Variants in PEX3 observed in about 807,000 individuals in gnomAD.
The protein encoded by PEX3 is peroxin-3.
In PEX3, 30 loss-of-function variants were observed where a neutral mutation model predicts 55.8. The observed-to-expected ratio is 0.54, with a 90% confidence interval of 0.40 to 0.73. The LOEUF is 0.73. PEX3 is among the 30% of genes least tolerant of loss of function. The pLI is 0.00. For missense variants in PEX3, 351 were observed against 432.8 expected (o/e 0.81, Z 1.68); for synonymous variants, 135 against 148.4 (o/e 0.91, Z 0.66).
chr6:143,473,406 G>A (rs1463580233), intron 8 of PEX3, among the ~76,000 whole-genome samples: 1 of 152,044 alleles, frequency 6.6e-6, no homozygotes, highest in African/African-American at 2.4e-5. Flanking sequence ...AATCTTTTTA[G>A]GACTCTAAAG....
Position 143,462,809 on chromosome 6 carries a change from T to C in PEX3, c.206-107T>C. On this transcript the variant is annotated intron_variant, in intron 2 of 11. Coordinates refer to ENST00000367591, the MANE Select transcript of PEX3 (RefSeq NM_003630.3). The surrounding 1 kb of genome is among the most constrained non-coding windows in gnomAD (Gnocchi z 4.1). Reference sequence around the variant, plus strand: ...TCTAGCCCTGACTTTCCCTTCTGACTCTTGCTAGTTGCTAGCCCTATCATA... The same window carrying C: ...TCTAGCCCTGACTTTCCCTTCTGACCCTTGCTAGTTGCTAGCCCTATCATA... 1.3e-6 allele frequency: 1 copy of C among 797,752 alleles called. No homozygotes were observed. The highest frequency in any genetic ancestry group is 2.2e-6 in the Non-Finnish European group (1 of 445,956). The allele number at this position is 797,752 out of a possible 1,614,324, so 49.4% of individuals were successfully genotyped here.
At chr6:143,484,531 C>G (rs967285299) in intron 10 of PEX3, among the ~76,000 whole-genome samples, 2 of 151,858 alleles carry the variant, frequency 1.3e-5, no homozygotes, top group African/African-American at 4.8e-5. Context: ...GTGTGGTTCA[C>G]TGGAGTAGGG....
chr6:143,471,760 T>G lies in PEX3; in HGVS notation c.578+149T>G. ...CAGATACCATCCTAGGATATTGCATTGTGGGATCCATTTTCTTTATCTTTT... is the reference window on the plus strand; with the variant it reads ...CAGATACCATCCTAGGATATTGCATGGTGGGATCCATTTTCTTTATCTTTT... On this transcript the variant is annotated intron_variant, in intron 7 of 11. Coordinates refer to ENST00000367591, the MANE Select transcript of PEX3 (RefSeq NM_003630.3). This position sits in a 1 kb window ranked among gnomAD's most constrained non-coding sequence, Gnocchi z 5.4. The G allele has an allele frequency of 3.0e-6, 2 of 671,760 alleles. No individual in the cohort carries two copies. The highest frequency in any genetic ancestry group is 3.4e-5 in the South Asian group (2 of 58,618). 41.6% of individuals were successfully genotyped at this position (671,760 alleles called of 1,614,324 possible).
At chr6:143,474,701 A>T in intron 8 of PEX3, 85 bp from the exon 9 acceptor site, 2 of 811,324 alleles carry the variant, frequency 2.5e-6, no homozygotes, top group Non-Finnish European at 4.4e-6. Flanking sequence ...GATTTCCTAA[A>T]CTCTTTATTT....
rs1227098862 is a variant in PEX3 at position 143,475,762 on chromosome 6, A to G, written c.818+906A>G. On this transcript the variant is annotated intron_variant, in intron 9 of 11. Transcript: ENST00000367591. The surrounding 1 kb of genome is among the most constrained non-coding windows in gnomAD (Gnocchi z 4.4). ...TGTTTTATACTCCCATTACTTTACT[A>G]TGCTAGTAGTTAAAGCCAAATGTAT... Among the ~76,000 whole-genome samples the G allele has an allele frequency of 1.3e-5, 2 of 152,214 alleles. No individual in the cohort carries two copies. Among genetic ancestry groups the G allele is most frequent in the East Asian group, 3.8e-4 (2 of 5,202 alleles).
rs897483245 is a variant in PEX3 at position 143,454,950 on chromosome 6, A to G, written c.73+3835A>G. ...TGAAGCCATTCTACATAATTTGGAC[A>G]TTATCCTTTGTATTGGTGCTTGCTA... On this transcript the variant is annotated intron_variant, in intron 1 of 11. Transcript: ENST00000367591. The surrounding 1 kb of genome is among the most constrained non-coding windows in gnomAD (Gnocchi z 4.3). Among the ~76,000 whole-genome samples, 15 of 152,236 alleles carry G rather than the reference A, an allele frequency of 9.9e-5. No individual in the cohort carries two copies. Among genetic ancestry groups the G allele is most frequent in the Non-Finnish European group, 1.2e-4 (8 of 68,046 alleles).
intron 2 of PEX3, among the ~76,000 whole-genome samples, chr6:143,461,896 C>A (rs1401648059): frequency 6.6e-6 from 1 of 152,102 alleles, no homozygotes; most frequent in Non-Finnish European, 1.5e-5. Flanking sequence ...TGCAGTGAGC[C>A]GTGATTGCAC....
rs1324728972 is a variant in PEX3 at position 143,462,279 on chromosome 6, A to T, written c.206-637A>T. Among the ~76,000 whole-genome samples, 1 of 152,200 alleles carries T rather than the reference A, an allele frequency of 6.6e-6. No homozygotes were observed. The highest frequency in any genetic ancestry group is 1.5e-5 in the Non-Finnish European group (1 of 68,040). On this transcript the variant is annotated intron_variant, in intron 2 of 11. Transcript: ENST00000367591. This position sits in a 1 kb window ranked among gnomAD's most constrained non-coding sequence, Gnocchi z 4.1. Reference sequence around the variant, plus strand: ...CAACTTTTAGTTTCTAACCCAGTGCACTTTTATTTATGTTATAATAAATGT... The same window carrying T: ...CAACTTTTAGTTTCTAACCCAGTGCTCTTTTATTTATGTTATAATAAATGT...
intron 10 of PEX3, among the ~76,000 whole-genome samples, chr6:143,480,054 T>G (rs571674498): frequency 6.6e-6 from 1 of 152,232 alleles, no homozygotes; most frequent in Admixed American, 6.5e-5. Flanking sequence ...GGGCCAGAAG[T>G]TACTTACCAG....
At chr6:143,478,299 A>G (rs2084477219) in intron 9 of PEX3, among the ~76,000 whole-genome samples, 1 of 152,128 alleles carries the variant, frequency 6.6e-6, no homozygotes, top group Admixed American at 6.5e-5. Flanking sequence ...GGGTGATGAA[A>G]ATGTTCTAAA....
At position 143,488,852 on chromosome 6, in the gene PEX3, A is replaced by G. The variant is rs1355909097; in HGVS notation, c.1039-291A>G. Among the ~76,000 whole-genome samples, 2 of 152,110 alleles carry G rather than the reference A, an allele frequency of 1.3e-5. No homozygotes were observed. The highest frequency in any genetic ancestry group is 1.3e-4 in the Admixed American group (2 of 15,258). ...ACTCCTACAATTATTTATTCAACAGATACCTATCTAGCACTTGACATACAC... is the reference window on the plus strand; with the variant it reads ...ACTCCTACAATTATTTATTCAACAGGTACCTATCTAGCACTTGACATACAC... On this transcript the variant is annotated intron_variant, in intron 11 of 11. Coordinates refer to ENST00000367591, the MANE Select transcript of PEX3 (RefSeq NM_003630.3). The surrounding 1 kb of genome is among the most constrained non-coding windows in gnomAD (Gnocchi z 4.9).
chr6:143,455,140 C>A (rs1288980608), intron 1 of PEX3, among the ~76,000 whole-genome samples: 1 of 150,270 alleles, frequency 6.7e-6, no homozygotes, highest in Non-Finnish European at 1.5e-5. Flanking sequence ...ACTGGGGATG[C>A]AGCATCATGC....
In PEX3 at chr6:143,471,474, A is replaced by G. The variant is rs13203340; in HGVS notation, c.523+25A>G. Reference sequence around the variant, plus strand: ...GGTAAGATTCTTATTTGTGACTTTTATACTAATTTTAATTCATTTATTTTT... The same window carrying G: ...GGTAAGATTCTTATTTGTGACTTTTGTACTAATTTTAATTCATTTATTTTT... On this transcript the variant is annotated intron_variant, in intron 6 of 11. Coordinates refer to ENST00000367591, the MANE Select transcript of PEX3 (RefSeq NM_003630.3). This position sits in a 1 kb window ranked among gnomAD's most constrained non-coding sequence, Gnocchi z 5.4. 35,219 of 1,568,024 alleles carry G rather than the reference A, an allele frequency of 0.022. 471 individuals are homozygous for G. Among genetic ancestry groups the G allele is most frequent in the Middle Eastern group, 0.029 (175 of 5,984 alleles).
At chr6:143,457,757 A>C (rs1353197454) in intron 1 of PEX3, among the ~76,000 whole-genome samples, 1 of 152,228 alleles carries the variant, frequency 6.6e-6, no homozygotes, top group Non-Finnish European at 1.5e-5. Context: ...GATTAAAAGT[A>C]ACACAACCTG....
chr6:143,455,745 C>T (rs1779837949), intron 1 of PEX3, among the ~76,000 whole-genome samples: 1 of 152,022 alleles, frequency 6.6e-6, no homozygotes, highest in Non-Finnish European at 1.5e-5. Flanking sequence ...ACCTATTGAA[C>T]CAGTTCAAGA....
intron 1 of PEX3, among the ~76,000 whole-genome samples, chr6:143,452,335 C>A (rs1042048465): frequency 2.0e-5 from 3 of 152,096 alleles, no homozygotes; most frequent in Non-Finnish European, 4.4e-5. Context: ...TATCTTCAGT[C>A]GCTAGTATCT....
At position 143,486,362 on chromosome 6, in the gene PEX3, T is replaced by C. The variant is rs1203593217; in HGVS notation, c.1038+1114T>C. On this transcript the variant is annotated intron_variant, in intron 11 of 11. Transcript: ENST00000367591. This position sits in a 1 kb window ranked among gnomAD's most constrained non-coding sequence, Gnocchi z 5.0. ...CCAGTAGGCTGTTCATTTTGACAGA[T>C]GAGTGGAAATTACAACCAAGCATAA... Among the ~76,000 whole-genome samples, 1 of 152,166 alleles carries C rather than the reference T, an allele frequency of 6.6e-6. No homozygotes were observed. Among genetic ancestry groups the C allele is most frequent in the East Asian group, 1.9e-4 (1 of 5,192 alleles).
chr6:143,470,828 A>G (rs1345746550), intron 4 of PEX3, 133 bp from the exon 5 acceptor site: 8 of 698,056 alleles, frequency 1.1e-5, no homozygotes, highest in South Asian at 1.7e-5. Context: ...TTGAATTGAT[A>G]TATTTTTATA....
At position 143,464,076 on chromosome 6, in the gene PEX3, T is replaced by A. The variant is rs185139198; in HGVS notation, c.287+1079T>A. On this transcript the variant is annotated intron_variant, in intron 3 of 11. Transcript: ENST00000367591. This position sits in a 1 kb window ranked among gnomAD's most constrained non-coding sequence, Gnocchi z 5.8. ...AGACCTTCCTTCCTTCTTACAGATA[T>A]AAGGTTTAGCTTATAAATTAGTTCA... Among the ~76,000 whole-genome samples, 1 of 152,098 alleles carries A rather than the reference T, an allele frequency of 6.6e-6. No individual in the cohort carries two copies. The highest frequency in any genetic ancestry group is 1.5e-5 in the Non-Finnish European group (1 of 67,956).
Sources: allele counts gnomAD v4.1 joint callset (sites outside exome capture counted in the v4.1 genomes callset), GRCh38; gene constraint gnomAD v4.1.1; non-coding constraint Gnocchi (gnomAD v3.1); transcripts MANE v1.5; gene names NCBI Gene and HGNC (gene_info 2026-07-23, HGNC 2026-07-21).